Variants in SPATA13 observed in about 807,000 individuals in gnomAD.
SPATA13 encodes spermatogenesis-associated protein 13.
SPATA13 carries 50 observed loss-of-function variants against 104.0 expected under a neutral mutation model. That is an observed-to-expected ratio of 0.48 (90% CI 0.38 to 0.61). The LOEUF (loss-of-function observed/expected upper bound fraction) is 0.61, where lower values mean the gene tolerates loss of function less well. Ranked by LOEUF, SPATA13 falls within the 20% of genes least tolerant of loss-of-function variation. SPATA13 has a pLI of 0.00. For missense variants in SPATA13, 1,524 were observed against 1,690.6 expected (o/e 0.90, Z 1.73); for synonymous variants, 606 against 667.5 (o/e 0.91, Z 1.42).
intron 3 of SPATA13, among the ~76,000 whole-genome samples, chr13:24,078,195 G>A (rs1477352836): frequency 6.6e-6 from 1 of 152,090 alleles, no homozygotes; most frequent in Non-Finnish European, 1.5e-5. Context: ...AAGACCTTCA[G>A]CCAAGAGACT....
chr13:24,211,260 A>G (rs1393436037), intron 1 of SPATA13, among the ~76,000 whole-genome samples: 1 of 151,952 alleles, frequency 6.6e-6, no homozygotes, highest in Non-Finnish European at 1.5e-5. Flanking sequence ...TCTCTTGCCC[A>G]TTTGCTCTTT....
chr13:23,986,694 G>A lies in SPATA13; in HGVS notation c.-147+2761G>A, dbSNP rs77971723. On this transcript the variant is annotated intron_variant, in intron 2 of 14. Coordinates refer to the SPATA13 transcript ENST00000424834. The stretch of plus-strand genomic sequence containing the variant: ...ATCTTTTTGGTTTGCTCCTTTGTGA[G>A]ATAGCATTGTCTTCAGCTGCTCTTG... Among the ~76,000 whole-genome samples, 1,413 of 152,304 alleles carry A rather than the reference G, an allele frequency of 9.3e-3. 37 individuals are homozygous for A. The East Asian group carries it at 0.1, about 11-fold the overall frequency.
chr13:24,127,868 A>T (rs1318412992), intron 3 of SPATA13, among the ~76,000 whole-genome samples: 2 of 152,340 alleles, frequency 1.3e-5, no homozygotes, highest in East Asian at 1.9e-4. Context: ...AGCTTCATTT[A>T]TTTCTTACTC....
At chr13:24,019,347 C>T (rs1876871669) in intron 3 of SPATA13, among the ~76,000 whole-genome samples, 1 of 152,066 alleles carries the variant, frequency 6.6e-6, no homozygotes, top group Non-Finnish European at 1.5e-5. Flanking sequence ...CTCGGCCTCC[C>T]AAAGTGCTGG....
At chr13:24,083,222 G>A (rs1263896756) in intron 3 of SPATA13, among the ~76,000 whole-genome samples, 1 of 152,222 alleles carries the variant, frequency 6.6e-6, no homozygotes, top group African/African-American at 2.4e-5. Flanking sequence ...AGACCCCCTA[G>A]GGCAATAGAA....
rs1344453499 is a variant in SPATA13 at position 24,223,372 on chromosome 13, T to C, written c.443T>C (p.Ile148Thr). Reference protein sequence around the residue: ...EASEHGLGKSIPNGAVPGAQA... With the variant: ...EASEHGLGKSTPNGAVPGAQA... Reference sequence around the variant, plus strand: ...TCGGAGCATGGCCTGGGAAAGTCCATCCCAAATGGCGCTGTCCCAGGAGCC... The same window carrying C: ...TCGGAGCATGGCCTGGGAAAGTCCACCCCAAATGGCGCTGTCCCAGGAGCC... Residue 148 changes from isoleucine (I) to threonine (T), a missense_variant, in exon 2 of 13, where the codon ATC becomes ACC. Physicochemically the swap from Ile to Thr is moderately conservative, Grantham distance 89 (BLOSUM62 -1). Around this residue, in one of 2 missense-constraint regions of SPATA13, gnomAD observed 1,089 missense variants for 1,135.9 expected, o/e 0.96. Transcript: ENST00000382108. The C allele has an allele frequency of 3.9e-6, 6 of 1,551,148 alleles. No homozygotes were observed. The Admixed American group carries it at 7.8e-5, about 20-fold the overall frequency.
chr13:24,231,698 G>C (rs1311056903), intron 2 of SPATA13, among the ~76,000 whole-genome samples: 1 of 152,210 alleles, frequency 6.6e-6, no homozygotes, highest in Non-Finnish European at 1.5e-5. Flanking sequence ...CAAAATGGCT[G>C]TACCATTTTA....
Position 24,224,252 on chromosome 13 carries a change from C to T in SPATA13, c.1323C>T (p.Ser441=), listed in dbSNP as rs1321114643. 6.4e-7 allele frequency: 1 copy of T among 1,551,560 alleles called. No homozygotes were observed. The highest frequency in any genetic ancestry group is 8.7e-7 in the Non-Finnish European group (1 of 1,146,984). The change falls in exon 2 of 13, where the codon AGC becomes AGT. Residue 441 remains serine, a synonymous_variant. Coordinates refer to ENST00000382108, the MANE Select transcript of SPATA13 (RefSeq NM_001166271.3). ...LPSPIVQDVL[S]KDSCDPNAGS... is the part of the protein sequence containing the mutation. ...GCCCGATTGTCCAGGATGTGTTGAG[C>T]AAAGACTCCTGTGACCCAAACGCTG...
chr13:24,068,714 T>C (rs1879054838), intron 3 of SPATA13, among the ~76,000 whole-genome samples: 2 of 152,238 alleles, frequency 1.3e-5, no homozygotes, highest in Admixed American at 1.3e-4. Context: ...CCATTCTGAC[T>C]GGCATGAGAT....
At chr13:24,039,624 T>TG (rs1197948043) in intron 3 of SPATA13, among the ~76,000 whole-genome samples, 1 of 152,214 alleles carries the variant, frequency 6.6e-6, no homozygotes, top group Non-Finnish European at 1.5e-5. Context: ...GTTCTTGCTC[T>TG]GGTTGTTCTT....
chr13:24,189,882 T>TCATAATATATTATATAATTATATTA lies in SPATA13; in HGVS notation c.-112+28960_-112+28961insTATATAATTATATTACATAATATAT, dbSNP rs1566140740. Among the ~76,000 whole-genome samples, 242 of 30,662 alleles carry TCATAATATATTATATAATTATATTA rather than the reference T, an allele frequency of 7.9e-3. 19 individuals carry two copies. The highest frequency in any genetic ancestry group is 0.056 in the Middle Eastern group (1 of 18). 20.1% of individuals were successfully genotyped at this position (30,662 alleles called of 152,430 possible). A position where few individuals can be genotyped will look rare whatever the true frequency, so the allele number is the denominator to read the frequency against. On this transcript the variant is annotated intron_variant, in intron 1 of 12. Coordinates refer to ENST00000382108, the MANE Select transcript of SPATA13 (RefSeq NM_001166271.3). ...ATATCATATATAATATAATTATATA[T>TCATAATATATTATATAATTATATTA]CATAATATATATTATATAATTATAT...
intron 3 of SPATA13, among the ~76,000 whole-genome samples, chr13:24,135,874 C>T (rs562277401): frequency 7.2e-5 from 11 of 152,120 alleles, no homozygotes; most frequent in Non-Finnish European, 1.6e-4. Flanking sequence ...TTCCTCAGCC[C>T]GACCTGAGGC....
intron 2 of SPATA13, among the ~76,000 whole-genome samples, chr13:24,248,841 G>A (rs1374894908): frequency 6.6e-6 from 1 of 151,520 alleles, no homozygotes; most frequent in Non-Finnish European, 1.5e-5. Context: ...ACCTATGATA[G>A]TTATAAAGTT....
intron 2 of SPATA13, among the ~76,000 whole-genome samples, chr13:24,010,079 T>A: frequency 6.6e-6 from 1 of 152,170 alleles, no homozygotes; most frequent in East Asian, 1.9e-4. Context: ...ACTGGTTTTG[T>A]CCTGAAAGGT....
chr13:24,079,570 A>C (rs1378007702), intron 3 of SPATA13, among the ~76,000 whole-genome samples: 1 of 152,122 alleles, frequency 6.6e-6, no homozygotes, highest in Non-Finnish European at 1.5e-5. Context: ...ACTAGGCAGG[A>C]TGGGCAAATG....
intron 3 of SPATA13, among the ~76,000 whole-genome samples, chr13:24,052,707 G>C (rs895949289): frequency 6.6e-6 from 1 of 151,380 alleles, no homozygotes; most frequent in African/African-American, 2.4e-5. Flanking sequence ...CTCAATAAAA[G>C]GCATATTTTA....
At position 24,075,684 on chromosome 13, in the gene SPATA13, G is replaced by C. The variant is rs572329928; in HGVS notation, c.-112+57983G>C. ...GTATTTAGTTCAAAGAAACATGACT[G>C]TTGTCTGTAATTTCAGCTGGAGGTA... On this transcript the variant is annotated intron_variant, in intron 3 of 14. Coordinates refer to the SPATA13 transcript ENST00000424834. 7.9e-5 allele frequency among the ~76,000 whole-genome samples: 12 copies of C among 152,318 alleles called. No individual in the cohort carries two copies. In the East Asian group the frequency reaches 2.3e-3, roughly 29 times the overall value.
intron 1 of SPATA13, among the ~76,000 whole-genome samples, chr13:24,192,199 G>A (rs1489754431): frequency 1.9e-4 from 29 of 152,160 alleles, no homozygotes; most frequent in Admixed American, 1.9e-3. Context: ...GTAAACTCTT[G>A]TTGGGCAGGC....
At chr13:24,238,438 T>C (rs1872681363) in intron 2 of SPATA13, among the ~76,000 whole-genome samples, 1 of 152,182 alleles carries the variant, frequency 6.6e-6, no homozygotes, top group South Asian at 2.1e-4. Context: ...ATTACAGGCG[T>C]GAGCCACTGC....
Sources: allele counts gnomAD v4.1 joint callset (sites outside exome capture counted in the v4.1 genomes callset), GRCh38; gene constraint gnomAD v4.1.1; regional missense constraint gnomAD v4.1.1; transcripts MANE v1.5; gene names NCBI Gene and HGNC (gene_info 2026-07-23, HGNC 2026-07-21).